Variants in NTNG1 observed in about 807,000 individuals in gnomAD.
NTNG1 encodes netrin-G1.
NTNG1 carries 16 observed loss-of-function variants against 54.0 expected under a neutral mutation model. The observed-to-expected ratio is 0.30, with a 90% CI of 0.20 to 0.45. NTNG1 has a LOEUF of 0.45. NTNG1 is among the 20% of genes least tolerant of loss of function. NTNG1 has a pLI of 1.00. For synonymous variants in NTNG1, 255 were observed against 263.1 expected (o/e 0.97, Z 0.30); for missense variants, 530 against 678.7 (o/e 0.78, Z 2.43).
At chr1:107,370,650 T>G (rs1012785183) in intron 3 of NTNG1, among the ~76,000 whole-genome samples, 47 of 152,072 alleles carry the variant, frequency 3.1e-4, no homozygotes, top group Admixed American at 2.0e-4. Context: ...AGAATAATAG[T>G]CTCCAATCCC....
chr1:107,183,645 A>G (rs2101144358), intron 2 of NTNG1, among the ~76,000 whole-genome samples: 1 of 152,274 alleles, frequency 6.6e-6, no homozygotes, highest in South Asian at 2.1e-4. Context: ...CAATGGGCTT[A>G]TAGTGCCATG....
chr1:107,472,251 C>T (rs895514446), intron 7 of NTNG1, among the ~76,000 whole-genome samples: 2 of 152,158 alleles, frequency 1.3e-5, no homozygotes, highest in Admixed American at 6.5e-5. Context: ...TAAGTCATCA[C>T]CAAGGACTCT....
intron 2 of NTNG1, among the ~76,000 whole-genome samples, chr1:107,302,987 C>A (rs1666417800): frequency 6.6e-6 from 1 of 152,130 alleles, no homozygotes; most frequent in African/African-American, 2.4e-5. Context: ...GTAAATATTT[C>A]CCCCTACCTT....
At chr1:107,319,046 T>C (rs895716026) in intron 2 of NTNG1, among the ~76,000 whole-genome samples, 2 of 152,170 alleles carry the variant, frequency 1.3e-5, no homozygotes, top group Non-Finnish European at 2.9e-5. Flanking sequence ...ACATGTCCAC[T>C]ATCTTAGATT....
intron 2 of NTNG1, among the ~76,000 whole-genome samples, chr1:107,157,209 A>T (rs1171317197): frequency 6.6e-6 from 1 of 152,210 alleles, no homozygotes; most frequent in Non-Finnish European, 1.5e-5. Flanking sequence ...ATAAGTGGAA[A>T]AATACTGTAC....
In NTNG1 at chr1:107,250,195, T is replaced by A. The variant is rs1275176796; in HGVS notation, c.247-74087T>A. 5.3e-5 allele frequency among the ~76,000 whole-genome samples: 8 copies of A among 152,180 alleles called. 1 individual carries two copies. Among genetic ancestry groups the A allele is most frequent in the Non-Finnish European group, 1.5e-5 (1 of 68,036 alleles). ...TTAACCAAAGAGGTCTCCAAAGTGATAAGATAATGAGATGGCTTCACAAAG... is the reference window on the plus strand; with the variant it reads ...TTAACCAAAGAGGTCTCCAAAGTGAAAAGATAATGAGATGGCTTCACAAAG... On this transcript the variant is annotated intron_variant, in intron 2 of 7. Coordinates refer to ENST00000370068, the MANE Select transcript of NTNG1 (RefSeq NM_001113226.3).
At chr1:107,335,265 C>T (rs899084512) in intron 3 of NTNG1, among the ~76,000 whole-genome samples, 3 of 151,986 alleles carry the variant, frequency 2.0e-5, no homozygotes, top group Non-Finnish European at 4.4e-5. Context: ...TATACATCCA[C>T]GTCCCAAAGT....
In NTNG1 at chr1:107,276,917, G is replaced by A. The variant is rs964414524; in HGVS notation, c.247-47365G>A. ...GTGAATAGAGGTCCTCCAAGAAACA[G>A]CTACTGTAACAGGATTAGATATGAA... On this transcript the variant is annotated intron_variant, in intron 2 of 7. Transcript: ENST00000370068. 4.6e-5 allele frequency among the ~76,000 whole-genome samples: 7 copies of A among 151,726 alleles called. No homozygotes were observed. In the South Asian group the frequency reaches 1.5e-3, roughly 32 times the overall value.
At chr1:107,447,618 C>T (rs1158480809) in intron 7 of NTNG1, among the ~76,000 whole-genome samples, 4 of 152,050 alleles carry the variant, frequency 2.6e-5, no homozygotes, top group Non-Finnish European at 4.4e-5. Flanking sequence ...TAAAGACTGT[C>T]CAGGGTCTAG....
chr1:107,240,119 C>A (rs1661721464), intron 2 of NTNG1, among the ~76,000 whole-genome samples: 1 of 151,960 alleles, frequency 6.6e-6, no homozygotes, highest in Non-Finnish European at 1.5e-5. Context: ...TAGAGAAATG[C>A]AATTAATGTC....
At chr1:107,443,998 G>A (rs1676146444) in intron 7 of NTNG1, among the ~76,000 whole-genome samples, 1 of 152,010 alleles carries the variant, frequency 6.6e-6, no homozygotes, top group Non-Finnish European at 1.5e-5. Context: ...AATTTAAAAA[G>A]GAAAATATTA....
At position 107,331,804 on chromosome 1, in the gene NTNG1, CT is replaced by C. The variant is rs1668296780; in HGVS notation, c.887+6883del. On this transcript the variant is annotated intron_variant, in intron 3 of 7. Coordinates refer to ENST00000370068, the MANE Select transcript of NTNG1 (RefSeq NM_001113226.3). ...TCTGAAACTATTTTGAATAAGTGTG[CT>C]GCCTCTTTCATATAATAAAATTTCA... Among the ~76,000 whole-genome samples the C allele has an allele frequency of 3.9e-5, 6 of 152,032 alleles. 1 individual carries two copies. The highest frequency in any genetic ancestry group is 3.9e-4 in the Admixed American group (6 of 15,226).
At chr1:107,335,762 C>G (rs1037481476) in intron 3 of NTNG1, among the ~76,000 whole-genome samples, 22 of 151,598 alleles carry the variant, frequency 1.5e-4, no homozygotes, top group African/African-American at 4.6e-4. Flanking sequence ...AAGCAACACA[C>G]AAACATCAGC....
At chr1:107,225,327 T>G (rs769170750) in intron 2 of NTNG1, among the ~76,000 whole-genome samples, 27 of 152,022 alleles carry the variant, frequency 1.8e-4, no homozygotes, top group Non-Finnish European at 2.9e-5. Flanking sequence ...TCAAGGCAGT[T>G]GAGAAGCACC....
chr1:107,456,782 G>A (rs895363538), intron 7 of NTNG1, among the ~76,000 whole-genome samples: 1 of 152,186 alleles, frequency 6.6e-6, no homozygotes, highest in African/African-American at 2.4e-5. Context: ...GTAACGTGAT[G>A]CAAGACCTCA....
Position 107,395,340 on chromosome 1 carries a change from C to T in NTNG1, c.1060+14C>T. 1 of 1,608,948 alleles carries T rather than the reference C, an allele frequency of 6.2e-7. No individual in the cohort carries two copies. Among genetic ancestry groups the T allele is most frequent in the Non-Finnish European group, 8.5e-7 (1 of 1,175,650 alleles). On this transcript the variant is annotated intron_variant, in intron 4 of 7. Transcript: ENST00000370068. ...CTGCAAATACCTGTGAGTAACTTTG[C>T]TTGGTAACAGCATATTCTGTGCACC...
intron 2 of NTNG1, among the ~76,000 whole-genome samples, chr1:107,192,056 A>C (rs1438388837): frequency 1.3e-5 from 2 of 152,184 alleles, no homozygotes; most frequent in African/African-American, 4.8e-5. Context: ...CTTCCAACCC[A>C]TGAGCATGGA....
intron 2 of NTNG1, among the ~76,000 whole-genome samples, chr1:107,171,942 T>A (rs946192686): frequency 6.6e-6 from 1 of 152,140 alleles, no homozygotes; most frequent in South Asian, 2.1e-4. Context: ...TTTTATTTTT[T>A]ATTTTTTTTG....
chr1:107,227,741 T>C (rs953212292), intron 2 of NTNG1, among the ~76,000 whole-genome samples: 1 of 152,026 alleles, frequency 6.6e-6, no homozygotes, highest in Non-Finnish European at 1.5e-5. Flanking sequence ...CATGGAGTTA[T>C]ATTTTTTCAG....
Sources: allele counts gnomAD v4.1 joint callset (sites outside exome capture counted in the v4.1 genomes callset), GRCh38; gene constraint gnomAD v4.1.1; transcripts MANE v1.5; gene names NCBI Gene and HGNC (gene_info 2026-07-23, HGNC 2026-07-21).